Variants in PTPRN2 observed in about 807,000 individuals in gnomAD.
PTPRN2 encodes the protein receptor-type tyrosine-protein phosphatase N2.
PTPRN2 carries 74 observed loss-of-function variants against 118.8 expected under a neutral mutation model. The observed-to-expected ratio is 0.62, with a 90% CI of 0.52 to 0.76. PTPRN2 has a LOEUF of 0.76. Among genes scored for constraint, PTPRN2 ranks in the 30% least tolerant of loss-of-function variants. The probability of loss-of-function intolerance (pLI) is 0.00; values close to 1 mark genes in which losing one functional copy is unlikely to be tolerated. For missense variants in PTPRN2, 1,481 were observed against 1,394.4 expected (o/e 1.06, Z -0.99); for synonymous variants, 641 against 608.0 (o/e 1.05, Z -0.80).
At position 157,953,466 on chromosome 7, in the gene PTPRN2, G is replaced by A. The variant is rs1232971965; in HGVS notation, c.1724-54729C>T. ...CCTCCCAGGATACAGCGGAGTGCCC[G>A]TCACCACCTGCCCACCTTCTTCACA... On this transcript the variant is annotated intron_variant, in intron 11 of 22. Transcript: ENST00000389418. The surrounding 1 kb of genome is among the most constrained non-coding windows in gnomAD (Gnocchi z 4.6). Among the ~76,000 whole-genome samples, 6 of 152,140 alleles carry A rather than the reference G, an allele frequency of 3.9e-5. No individual in the cohort carries two copies. The highest frequency in any genetic ancestry group is 2.1e-4 in the South Asian group (1 of 4,822).
chr7:157,595,329 AC>A lies in PTPRN2; in HGVS notation c.2419-15del. On this transcript the variant is annotated splice_polypyrimidine_tract_variant and intron_variant, in intron 16 of 22. Transcript: ENST00000389418. The stretch of plus-strand genomic sequence containing the variant: ...GTCGTGATCCATCTGCAGAGACAAG[AC>A]CACACCACAGCGGTTAGCCAGGAGA... The A allele has an allele frequency of 6.2e-7, 1 of 1,613,276 alleles. No homozygotes were observed. The highest frequency in any genetic ancestry group is 8.5e-7 in the Non-Finnish European group (1 of 1,179,258).
At chr7:158,042,495 T>A (rs1185656999) in intron 11 of PTPRN2, among the ~76,000 whole-genome samples, 1 of 152,240 alleles carries the variant, frequency 6.6e-6, no homozygotes, top group Non-Finnish European at 1.5e-5. Flanking sequence ...CAGAAAGAGA[T>A]GAGAGATCCA....
intron 2 of PTPRN2, among the ~76,000 whole-genome samples, chr7:158,399,151 G>T (rs1812757046): frequency 1.3e-5 from 2 of 152,268 alleles, no homozygotes; most frequent in Non-Finnish European, 1.5e-5. Context: ...GGCTGTCAGG[G>T]CTCTTTCATT....
chr7:157,644,781 G>A lies in PTPRN2; in HGVS notation c.2196+11576C>T, dbSNP rs566850142. ...TTGCACTCCAGCCTGGGCAACAAGA[G>A]TGAAACTCCATCTCAAAAAACAAAA... On this transcript the variant is annotated intron_variant, in intron 14 of 22. Transcript: ENST00000389418. Among the ~76,000 whole-genome samples the A allele has an allele frequency of 1.7e-4, 26 of 150,114 alleles. No homozygotes were observed. The South Asian group carries it at 5.5e-3, about 32-fold the overall frequency.
intron 1 of PTPRN2, among the ~76,000 whole-genome samples, chr7:158,548,062 G>C (rs949931687): frequency 7.9e-5 from 12 of 152,222 alleles, no homozygotes; most frequent in African/African-American, 2.9e-4. Flanking sequence ...CCAGGAATCT[G>C]CACACAAGAT....
chr7:157,635,341 C>T (rs1475534433), intron 14 of PTPRN2, among the ~76,000 whole-genome samples: 1 of 152,266 alleles, frequency 6.6e-6, no homozygotes, highest in Non-Finnish European at 1.5e-5. Flanking sequence ...TCAAAGGCCT[C>T]TTGTGTCCAA....
Position 158,281,615 on chromosome 7 carries a change from G to T in PTPRN2, c.277+35204C>A, listed in dbSNP as rs181255189. Among the ~76,000 whole-genome samples, 749 of 152,296 alleles carry T rather than the reference G, an allele frequency of 4.9e-3. 4 individuals carry two copies. The highest frequency in any genetic ancestry group is 7.5e-3 in the Non-Finnish European group (512 of 68,014). ...CGTGGTGCCCTGCGCATTTGTGCTG[G>T]CTTTGCACCCCCCTCCTGCCACGTC... On this transcript the variant is annotated intron_variant, in intron 3 of 22. Coordinates refer to ENST00000389418, the MANE Select transcript of PTPRN2 (RefSeq NM_002847.5).
chr7:157,603,300 G>A lies in PTPRN2; in HGVS notation c.2418+702C>T, dbSNP rs980273768. On this transcript the variant is annotated intron_variant, in intron 16 of 22. Coordinates refer to ENST00000389418, the MANE Select transcript of PTPRN2 (RefSeq NM_002847.5). The surrounding 1 kb of genome is among the most constrained non-coding windows in gnomAD (Gnocchi z 5.4). ...CCATTCAGCCCTGCTCCCCCGACAG[G>A]TCATGACAGGGAAGGGGGATGCCCA... Among the ~76,000 whole-genome samples, 18 of 152,186 alleles carry A rather than the reference G, an allele frequency of 1.2e-4. No homozygotes were observed. Among genetic ancestry groups the A allele is most frequent in the Non-Finnish European group, 1.9e-4 (13 of 68,032 alleles).
At chr7:157,558,365 G>A (rs59310433) in intron 21 of PTPRN2, among the ~76,000 whole-genome samples, 2,075 of 152,340 alleles carry the variant, frequency 0.014, 47 homozygotes, top group African/African-American at 0.047. Flanking sequence ...TGGGGCACAC[G>A]CAGTCATTCC....
rs115533864 is a variant in PTPRN2 at position 157,668,390 on chromosome 7, G to A, written c.2002-11839C>T. On this transcript the variant is annotated intron_variant, in intron 13 of 22. Transcript: ENST00000389418. Reference sequence around the variant, plus strand: ...AGGTTTCAGGAAAACCTCTCTGCACGCTTCCGGGAGCCAACTGAATGAAGC... The same window carrying A: ...AGGTTTCAGGAAAACCTCTCTGCACACTTCCGGGAGCCAACTGAATGAAGC... Among the ~76,000 whole-genome samples the A allele has an allele frequency of 5.0e-3, 758 of 152,344 alleles. 11 individuals are homozygous for A. Among genetic ancestry groups the A allele is most frequent in the African/African-American group, 0.017 (727 of 41,570 alleles).
At chr7:157,925,704 G>T (rs1326291589) in intron 11 of PTPRN2, among the ~76,000 whole-genome samples, 1 of 152,036 alleles carries the variant, frequency 6.6e-6, no homozygotes, top group Non-Finnish European at 1.5e-5. Flanking sequence ...GATGCAGAAG[G>T]TCCAGCTGTT....
chr7:157,932,894 T>C (rs73745036), intron 11 of PTPRN2, among the ~76,000 whole-genome samples: 4,076 of 148,786 alleles, frequency 0.027, 153 homozygotes, highest in African/African-American at 0.09. Context: ...ATCACTCCGA[T>C]TGACAGTTTT....
chr7:158,332,745 G>A (rs1369372052), intron 2 of PTPRN2, among the ~76,000 whole-genome samples: 1 of 151,270 alleles, frequency 6.6e-6, no homozygotes, highest in Non-Finnish European at 1.5e-5. Flanking sequence ...CATAAGAGCT[G>A]AGGCCCACAG....
chr7:157,972,725 G>A (rs113880934), intron 11 of PTPRN2, among the ~76,000 whole-genome samples: 4 of 146,576 alleles, frequency 2.7e-5, no homozygotes, highest in Non-Finnish European at 3.0e-5. Flanking sequence ...ACGAGAGCAG[G>A]GCTTCAGAGA....
intron 12 of PTPRN2, among the ~76,000 whole-genome samples, chr7:157,828,461 G>A (rs1807333128): frequency 6.6e-6 from 1 of 152,204 alleles, no homozygotes; most frequent in Non-Finnish European, 1.5e-5. Context: ...CTGCCCCAGA[G>A]CCATCCGTGT....
intron 12 of PTPRN2, among the ~76,000 whole-genome samples, chr7:157,822,018 C>T (rs1585556233): frequency 6.7e-6 from 1 of 150,116 alleles, no homozygotes; most frequent in African/African-American, 2.5e-5. Context: ...CTATCCATCC[C>T]TCCCTCTATC....
intron 11 of PTPRN2, among the ~76,000 whole-genome samples, chr7:158,074,875 C>T (rs55892636): frequency 0.098 from 14,852 of 152,226 alleles, 878 homozygotes; most frequent in Middle Eastern, 0.18. Flanking sequence ...AGTGCATAAA[C>T]CCCCTCTGTG....
At chr7:157,866,666 C>T (rs1476505504) in intron 12 of PTPRN2, among the ~76,000 whole-genome samples, 1 of 152,068 alleles carries the variant, frequency 6.6e-6, no homozygotes, top group Non-Finnish European at 1.5e-5. Context: ...CCGAGGCTGT[C>T]TGGCCCGAGT....
At chr7:157,566,099 T>G (rs1799473509) in intron 21 of PTPRN2, among the ~76,000 whole-genome samples, 1 of 152,232 alleles carries the variant, frequency 6.6e-6, no homozygotes, top group African/African-American at 2.4e-5. Context: ...TGATGGGCTG[T>G]GTGGACAAGT....
Sources: allele counts gnomAD v4.1 joint callset (sites outside exome capture counted in the v4.1 genomes callset), GRCh38; gene constraint gnomAD v4.1.1; non-coding constraint Gnocchi (gnomAD v3.1); transcripts MANE v1.5; gene names NCBI Gene and HGNC (gene_info 2026-07-23, HGNC 2026-07-21).